KCNIP4: variants seen among roughly 807,000 people sequenced by gnomAD.
KCNIP4 encodes potassium voltage-gated channel interacting protein 4.
A neutral mutation model predicts 34.0 loss-of-function variants in KCNIP4; 12 were observed. The observed-to-expected ratio is 0.35, with a 90% CI of 0.23 to 0.57. The LOEUF (loss-of-function observed/expected upper bound fraction) is 0.57, where lower values mean the gene tolerates loss of function less well. Among genes scored for constraint, KCNIP4 ranks in the 20% least tolerant of loss-of-function variants. The pLI is 0.83. For missense variants in KCNIP4, 238 were observed against 311.7 expected, an observed-to-expected ratio of 0.76 and a Z score of 1.78; for synonymous variants, 124 against 102.2, an observed-to-expected ratio of 1.21 and a Z score of -1.29.
chr4:21,777,247 T>C (rs764868830), intron 1 of KCNIP4, among the ~76,000 whole-genome samples: 3 of 152,148 alleles, frequency 2.0e-5, no homozygotes, highest in Non-Finnish European at 2.9e-5. Flanking sequence ...CCTTTATAAA[T>C]TACCCAGTCT....
At chr4:21,571,546 C>A (rs1203459565) in intron 1 of KCNIP4, among the ~76,000 whole-genome samples, 1 of 152,176 alleles carries the variant, frequency 6.6e-6, no homozygotes, top group African/African-American at 2.4e-5. Context: ...CTAGCATTTT[C>A]TTGCCAAGGT....
At chr4:21,349,195 G>A (rs1243606555) in intron 1 of KCNIP4, among the ~76,000 whole-genome samples, 1 of 152,020 alleles carries the variant, frequency 6.6e-6, no homozygotes, top group East Asian at 1.9e-4. Context: ...TGATTCATGG[G>A]GTTATTTCAA....
At chr4:20,804,953 A>G (rs1714868938) in intron 3 of KCNIP4, among the ~76,000 whole-genome samples, 1 of 152,102 alleles carries the variant, frequency 6.6e-6, no homozygotes, top group Non-Finnish European at 1.5e-5. Flanking sequence ...ATAAATGAAC[A>G]GTTTCTTCTA....
At chr4:21,019,440 G>A (rs904197614) in intron 1 of KCNIP4, among the ~76,000 whole-genome samples, 1 of 152,142 alleles carries the variant, frequency 6.6e-6, no homozygotes, top group Non-Finnish European at 1.5e-5. Context: ...TTACAGGCGT[G>A]AGCCACCGCG....
At chr4:21,752,077 T>C (rs1021407175) in intron 1 of KCNIP4, among the ~76,000 whole-genome samples, 2 of 152,096 alleles carry the variant, frequency 1.3e-5, no homozygotes, top group African/African-American at 4.8e-5. Flanking sequence ...CAAAGCTTTG[T>C]TCATACTTTT....
At chr4:20,784,415 T>A (rs926759973) in intron 3 of KCNIP4, among the ~76,000 whole-genome samples, 1 of 152,160 alleles carries the variant, frequency 6.6e-6, no homozygotes, top group African/African-American at 2.4e-5. Flanking sequence ...AGGTTTAGAA[T>A]CCTCTTTCCT....
At chr4:21,729,310 A>G (rs894620689) in intron 1 of KCNIP4, among the ~76,000 whole-genome samples, 22 of 152,330 alleles carry the variant, frequency 1.4e-4, no homozygotes, top group African/African-American at 4.6e-4. Context: ...TTTTGCATTC[A>G]GTTTACCAGG....
intron 1 of KCNIP4, among the ~76,000 whole-genome samples, chr4:20,943,607 A>G (rs1731887657): frequency 6.6e-6 from 1 of 152,150 alleles, no homozygotes; most frequent in Non-Finnish European, 1.5e-5. Flanking sequence ...TTTATGGAGG[A>G]GGAAACTGAG....
chr4:21,197,304 C>T (rs554701339), intron 1 of KCNIP4, among the ~76,000 whole-genome samples: 1 of 152,210 alleles, frequency 6.6e-6, no homozygotes, highest in Non-Finnish European at 1.5e-5. Flanking sequence ...AGAGTATGTA[C>T]TTATGTTTAA....
At chr4:21,777,586 T>C (rs1416827388) in intron 1 of KCNIP4, among the ~76,000 whole-genome samples, 1 of 152,186 alleles carries the variant, frequency 6.6e-6, no homozygotes, top group African/African-American at 2.4e-5. Flanking sequence ...ATGGGTAGAA[T>C]AGCTGTCACT....
rs115171933 is a variant in KCNIP4, at chr4:21,125,661, A to G, written c.62-242952T>C. On this transcript the variant is annotated intron_variant, in intron 1 of 8. Transcript: ENST00000382152. Reference sequence around the variant, plus strand: ...ACCAGTGCAACACAGTAAATTATAGATGATTTGAGCTAAAGGATGGCAATG... The same window carrying G: ...ACCAGTGCAACACAGTAAATTATAGGTGATTTGAGCTAAAGGATGGCAATG... 7.3e-3 allele frequency among the ~76,000 whole-genome samples: 1,108 copies of G among 152,236 alleles called. 18 individuals carry two copies. The highest frequency in any genetic ancestry group is 0.025 in the African/African-American group (1,058 of 41,540).
At chr4:21,104,614 C>T (rs1007982453) in intron 1 of KCNIP4, among the ~76,000 whole-genome samples, 1 of 152,064 alleles carries the variant, frequency 6.6e-6, no homozygotes, top group Non-Finnish European at 1.5e-5. Context: ...TCCCATTTGT[C>T]AATTTTGGCT....
intron 3 of KCNIP4, among the ~76,000 whole-genome samples, chr4:20,827,973 G>A (rs1010660146): frequency 1.3e-5 from 2 of 152,102 alleles, no homozygotes; most frequent in African/African-American, 2.4e-5. Context: ...ATACAATTGT[G>A]ATGTGTAATA....
intron 3 of KCNIP4, among the ~76,000 whole-genome samples, chr4:20,816,355 C>A (rs1227066196): frequency 2.0e-5 from 3 of 151,910 alleles, no homozygotes; most frequent in African/African-American, 7.2e-5. Context: ...AGGGAGAACA[C>A]TTTAGGGAGA....
Position 21,039,625 on chromosome 4 carries a change from T to C in KCNIP4, c.62-156916A>G, listed in dbSNP as rs1226318764. On this transcript the variant is annotated intron_variant, in intron 1 of 8. Transcript: ENST00000382152. ...AATTTCCAGTTGTTATAACTGTTAC[T>C]AATGAAATAAACAGAATGTGACAAT... Among the ~76,000 whole-genome samples, 5 of 152,178 alleles carry C rather than the reference T, an allele frequency of 3.3e-5. No individual in the cohort carries two copies. In the East Asian group the frequency reaches 9.6e-4, roughly 29 times the overall value.
At chr4:20,775,591 C>T (rs1028114690) in intron 3 of KCNIP4, among the ~76,000 whole-genome samples, 1 of 150,830 alleles carries the variant, frequency 6.6e-6, no homozygotes, top group Non-Finnish European at 1.5e-5. Context: ...CACCTTTTGT[C>T]CTAGCTACTC....
chr4:21,063,927 G>T, intron 1 of KCNIP4, among the ~76,000 whole-genome samples: 1 of 152,052 alleles, frequency 6.6e-6, no homozygotes, highest in East Asian at 1.9e-4. Context: ...TTGCATCCGA[G>T]TGTCCATGTC....
At chr4:21,803,393 C>A (rs1281255611) in intron 1 of KCNIP4, among the ~76,000 whole-genome samples, 1 of 152,208 alleles carries the variant, frequency 6.6e-6, no homozygotes, top group South Asian at 2.1e-4. Flanking sequence ...CCACATCCAA[C>A]GTGGATCCTC....
intron 1 of KCNIP4, among the ~76,000 whole-genome samples, chr4:21,046,062 G>A (rs1167767775): frequency 6.6e-6 from 1 of 152,160 alleles, no homozygotes; most frequent in East Asian, 1.9e-4. Flanking sequence ...AAATTTAAAT[G>A]CATTTATTGG....
Sources: allele counts gnomAD v4.1 joint callset (sites outside exome capture counted in the v4.1 genomes callset), GRCh38; gene constraint gnomAD v4.1.1; transcripts MANE v1.5; gene names NCBI Gene and HGNC (gene_info 2026-07-23, HGNC 2026-07-21).